The following CAMTA1 variants were observed in gnomAD, a reference collection of about 807,000 sequenced individuals.
The protein encoded by CAMTA1 is calmodulin binding transcription activator 1.
CAMTA1 carries 27 observed loss-of-function variants against 170.9 expected under a neutral mutation model. The observed-to-expected ratio is 0.16, with a 90% CI of 0.12 to 0.22. The LOEUF (loss-of-function observed/expected upper bound fraction) is 0.22. Ranked by LOEUF, CAMTA1 falls within the 10% of genes least tolerant of loss-of-function variation. CAMTA1 has a pLI of 1.00. For synonymous variants in CAMTA1, 833 were observed against 891.5 expected, an observed-to-expected ratio of 0.93 and a Z score of 1.17; for missense variants, 1,619 against 2,217.2, an observed-to-expected ratio of 0.73 and a Z score of 5.42.
chr1:7,464,011 A>G (rs2093153823), intron 5 of CAMTA1, among the ~76,000 whole-genome samples: 1 of 152,236 alleles, frequency 6.6e-6, no homozygotes, highest in Admixed American at 6.5e-5. Flanking sequence ...CTATAGTGTC[A>G]TAAAAGCAAT....
chr1:7,743,986 C>T (rs1475333281), intron 16 of CAMTA1, among the ~76,000 whole-genome samples: 1 of 150,850 alleles, frequency 6.6e-6, no homozygotes, highest in Non-Finnish European at 1.5e-5. Context: ...GCCACCACGC[C>T]CAGCTAATTT....
intron 3 of CAMTA1, among the ~76,000 whole-genome samples, chr1:6,962,302 C>G (rs985046025): frequency 6.6e-6 from 1 of 152,140 alleles, no homozygotes; most frequent in South Asian, 2.1e-4. Flanking sequence ...TGCTGGGAGG[C>G]TGGTCCCTGG....
chr1:6,855,544 CA>C (rs1662004279), intron 3 of CAMTA1, among the ~76,000 whole-genome samples: 1 of 151,816 alleles, frequency 6.6e-6, no homozygotes, highest in Non-Finnish European at 1.5e-5. Context: ...AGAACAGTAC[CA>C]AAGGGACGGT....
chr1:7,239,977 T>C (rs1484746203), intron 4 of CAMTA1, among the ~76,000 whole-genome samples: 1 of 152,142 alleles, frequency 6.6e-6, no homozygotes, highest in African/African-American at 2.4e-5. Context: ...CGTTAATCCA[T>C]TCATGACCTA....
chr1:7,654,478 A>G (rs1304309565), intron 7 of CAMTA1, among the ~76,000 whole-genome samples: 1 of 151,828 alleles, frequency 6.6e-6, no homozygotes, highest in Non-Finnish European at 1.5e-5. Context: ...GTACACACAC[A>G]CACCCCTATA....
intron 6 of CAMTA1, among the ~76,000 whole-genome samples, chr1:7,525,577 G>A (rs1310820719): frequency 3.9e-5 from 6 of 151,954 alleles, no homozygotes; most frequent in African/African-American, 7.3e-5. Flanking sequence ...TTTTCATAGC[G>A]ACTCTGAGCA....
intron 5 of CAMTA1, among the ~76,000 whole-genome samples, chr1:7,329,888 G>A (rs1313494322): frequency 6.6e-6 from 1 of 152,066 alleles, no homozygotes; most frequent in African/African-American, 2.4e-5. Context: ...ATACGCAACT[G>A]GCAAAAATAC....
chr1:7,258,318 C>A (rs1276528647), intron 5 of CAMTA1, among the ~76,000 whole-genome samples: 1 of 152,208 alleles, frequency 6.6e-6, no homozygotes, highest in African/African-American at 2.4e-5. Context: ...AAGCTAGAAA[C>A]TCCCTGATGA....
intron 4 of CAMTA1, among the ~76,000 whole-genome samples, chr1:7,149,606 C>T (rs371549996): frequency 5.8e-4 from 89 of 152,186 alleles, no homozygotes; most frequent in Non-Finnish European, 9.7e-4. Flanking sequence ...TCCATGAAGG[C>T]GGAATGTTGG....
rs925084686 is a variant in CAMTA1 at position 7,456,813 on chromosome 1, G to A, written c.439-11017G>A. ...GGGGCCCATGTGGGCCTGGCTGAAC[G>A]TCCTCAGAGGGTGGGAAAACAGGCA... is the stretch of plus-strand genomic sequence containing the variant. On this transcript the variant is annotated intron_variant, in intron 5 of 22. Transcript: ENST00000303635. The surrounding 1 kb of genome is among the most constrained non-coding windows in gnomAD (Gnocchi z 4.9). 2.0e-5 allele frequency among the ~76,000 whole-genome samples: 3 copies of A among 152,222 alleles called. No homozygotes were observed. Among genetic ancestry groups the A allele is most frequent in the Admixed American group, 6.5e-5 (1 of 15,286 alleles).
intron 3 of CAMTA1, chr1:6,872,023 G>A (rs908193617): frequency 1.8e-6 from 2 of 1,135,744 alleles, no homozygotes; most frequent in Non-Finnish European, 2.2e-6. Context: ...AAAATAAAGT[G>A]TAATCTGTGT....
At chr1:7,029,913 GT>G (rs559515502) in intron 3 of CAMTA1, among the ~76,000 whole-genome samples, 1 of 152,182 alleles carries the variant, frequency 6.6e-6, no homozygotes, top group Non-Finnish European at 1.5e-5. Context: ...GAAGGGTAAT[GT>G]TTAACATTTT....
chr1:7,661,537 G>C lies in CAMTA1; in HGVS notation c.665-189G>C, dbSNP rs889773095. Among the ~76,000 whole-genome samples, 17 of 152,154 alleles carry C rather than the reference G, an allele frequency of 1.1e-4. 1 individual carries two copies. Among genetic ancestry groups the C allele is most frequent in the Admixed American group, 1.0e-3 (16 of 15,284 alleles). ...AGCTCAGAACCCCCGATGGGAGCAG[G>C]GGGTCTGGCGGGGGCAGCCTGGCCT... On this transcript the variant is annotated intron_variant, in intron 7 of 22. Coordinates refer to ENST00000303635, the MANE Select transcript of CAMTA1 (RefSeq NM_015215.4).
intron 3 of CAMTA1, among the ~76,000 whole-genome samples, chr1:6,910,812 G>A (rs929467554): frequency 4.6e-5 from 7 of 152,232 alleles, no homozygotes; most frequent in Admixed American, 2.6e-4. Context: ...CTGGATCCGT[G>A]GAGCTTTGGA....
chr1:7,378,490 A>C (rs1174029993), intron 5 of CAMTA1, among the ~76,000 whole-genome samples: 1 of 152,240 alleles, frequency 6.6e-6, no homozygotes, highest in Non-Finnish European at 1.5e-5. Context: ...TTGCTGAGTG[A>C]AAGAAGTCAG....
At chr1:7,409,620 C>T (rs550561088) in intron 5 of CAMTA1, among the ~76,000 whole-genome samples, 59 of 152,318 alleles carry the variant, frequency 3.9e-4, no homozygotes, top group African/African-American at 1.4e-3. Context: ...GCTGAGCCCT[C>T]CCAGCTGCCC....
At chr1:7,766,060 G>T (rs1218502613) in intron 22 of CAMTA1, among the ~76,000 whole-genome samples, 1 of 150,480 alleles carries the variant, frequency 6.6e-6, no homozygotes, top group Non-Finnish European at 1.5e-5. Context: ...ATAAATGCAT[G>T]TACAGTTTCC....
chr1:7,695,058 C>T (rs1167176556), intron 11 of CAMTA1, among the ~76,000 whole-genome samples: 3 of 152,160 alleles, frequency 2.0e-5, no homozygotes, highest in African/African-American at 7.2e-5. Flanking sequence ...TTTATTATGA[C>T]ATCAGAAGGT....
intron 6 of CAMTA1, among the ~76,000 whole-genome samples, chr1:7,488,610 T>C (rs1403745085): frequency 1.3e-5 from 2 of 152,056 alleles, no homozygotes; most frequent in Admixed American, 1.3e-4. Flanking sequence ...ATGATACATG[T>C]AACACATACA....
Sources: allele counts gnomAD v4.1 joint callset (sites outside exome capture counted in the v4.1 genomes callset), GRCh38; gene constraint gnomAD v4.1.1; non-coding constraint Gnocchi (gnomAD v3.1); transcripts MANE v1.5; gene names NCBI Gene and HGNC (gene_info 2026-07-23, HGNC 2026-07-21).